FHIT: variants seen among roughly 807,000 people sequenced by gnomAD.
FHIT encodes the protein bis(5'-adenosyl)-triphosphatase.
Under a neutral mutation model 17.9 loss-of-function variants are expected in FHIT, and 19 were observed. That is an observed-to-expected ratio of 1.06 (90% confidence interval 0.74 to 1.56). FHIT has a LOEUF of 1.56. Among genes scored for constraint, FHIT ranks in the 40% most tolerant of loss-of-function variants. The probability of loss-of-function intolerance (pLI) is 0.00; values close to 1 mark genes in which losing one functional copy is unlikely to be tolerated. For missense variants in FHIT, 248 were observed against 189.2 expected (o/e 1.31, Z -1.82); for synonymous variants, 81 against 69.7 (o/e 1.16, Z -0.81).
chr3:60,248,148 A>G (rs992261700), intron 5 of FHIT, among the ~76,000 whole-genome samples: 4 of 152,126 alleles, frequency 2.6e-5, no homozygotes, highest in African/African-American at 9.7e-5. Context: ...AAAAGCTGTA[A>G]AACGTCCTCA....
intron 5 of FHIT, among the ~76,000 whole-genome samples, chr3:60,247,402 A>G (rs1052233239): frequency 6.6e-6 from 1 of 151,812 alleles, no homozygotes; most frequent in Admixed American, 6.6e-5. Flanking sequence ...ACAGAAGAAG[A>G]AAGAAAGAAG....
intron 5 of FHIT, among the ~76,000 whole-genome samples, chr3:60,042,465 T>C (rs1312470810): frequency 3.9e-5 from 6 of 152,178 alleles, no homozygotes; most frequent in Admixed American, 2.0e-4. Flanking sequence ...CCAGGGTTGG[T>C]TCCTTCTGAG....
intron 5 of FHIT, among the ~76,000 whole-genome samples, chr3:60,250,618 A>C (rs1223782401): frequency 6.6e-6 from 1 of 152,212 alleles, no homozygotes; most frequent in Non-Finnish European, 1.5e-5. Context: ...AGTGGCATTT[A>C]AGAGCTCTGC....
intron 4 of FHIT, among the ~76,000 whole-genome samples, chr3:60,722,990 G>C (rs1367583621): frequency 6.6e-6 from 1 of 151,924 alleles, no homozygotes; most frequent in Non-Finnish European, 1.5e-5. Flanking sequence ...CAAAGTGCTG[G>C]GATTACAGGC....
chr3:60,009,386 T>C (rs901470782), intron 7 of FHIT, among the ~76,000 whole-genome samples: 8 of 152,104 alleles, frequency 5.3e-5, no homozygotes, highest in Non-Finnish European at 1.2e-4. Context: ...TTTTAAAAAG[T>C]TCAACTTAAG....
intron 5 of FHIT, among the ~76,000 whole-genome samples, chr3:60,194,865 A>T (rs984622843): frequency 6.6e-6 from 1 of 152,152 alleles, no homozygotes; most frequent in African/African-American, 2.4e-5. Flanking sequence ...AGGGAAATGC[A>T]AATTAAAACC....
At chr3:61,204,531 G>C (rs192851126) in intron 1 of FHIT, among the ~76,000 whole-genome samples, 1 of 152,080 alleles carries the variant, frequency 6.6e-6, no homozygotes, top group Admixed American at 6.5e-5. Flanking sequence ...GGAGAAAGAA[G>C]CAAAGGAAAA....
At chr3:60,838,933 A>AGGG (rs1702624755) in intron 3 of FHIT, among the ~76,000 whole-genome samples, 1 of 152,092 alleles carries the variant, frequency 6.6e-6, no homozygotes, top group Non-Finnish European at 1.5e-5. Context: ...TAGGTAGTAA[A>AGGG]AGGACTTCCT....
intron 3 of FHIT, among the ~76,000 whole-genome samples, chr3:60,895,172 C>A (rs1239654476): frequency 6.6e-6 from 1 of 152,136 alleles, no homozygotes; most frequent in Non-Finnish European, 1.5e-5. Flanking sequence ...AGAGGACAGG[C>A]CTGTGGCTTT....
chr3:60,110,475 A>G (rs991427871), intron 5 of FHIT, among the ~76,000 whole-genome samples: 4 of 152,198 alleles, frequency 2.6e-5, no homozygotes, highest in African/African-American at 9.6e-5. Context: ...ATGAATCCAA[A>G]GATCACCAAA....
chr3:59,992,573 C>T (rs1699330300), intron 7 of FHIT, among the ~76,000 whole-genome samples: 2 of 152,076 alleles, frequency 1.3e-5, no homozygotes. Context: ...ATGATCAAAA[C>T]ATAAGGCAAA....
At chr3:60,355,428 T>G (rs1699609428) in intron 5 of FHIT, among the ~76,000 whole-genome samples, 1 of 152,070 alleles carries the variant, frequency 6.6e-6, no homozygotes, top group South Asian at 2.1e-4. Context: ...CTTTTTGGGT[T>G]GCATATCAAT....
chr3:60,987,741 TC>T (rs2029865609), intron 3 of FHIT, among the ~76,000 whole-genome samples: 1 of 152,118 alleles, frequency 6.6e-6, no homozygotes, highest in Non-Finnish European at 1.5e-5. Flanking sequence ...AATCAGTAAG[TC>T]CCCAGTTTAG....
At chr3:60,181,494 A>G (rs187321023) in intron 5 of FHIT, among the ~76,000 whole-genome samples, 24 of 152,296 alleles carry the variant, frequency 1.6e-4, no homozygotes, top group Admixed American at 9.8e-4. Flanking sequence ...TCTAGGTTCA[A>G]AAAGGTAAAG....
chr3:59,916,611 T>A (rs1705146901), intron 8 of FHIT, among the ~76,000 whole-genome samples: 2 of 152,182 alleles, frequency 1.3e-5, no homozygotes, highest in South Asian at 4.1e-4. Flanking sequence ...TAATTTTGTG[T>A]CTCTCTTTTG....
chr3:60,921,704 T>C (rs1485199637), intron 3 of FHIT, among the ~76,000 whole-genome samples: 3 of 110,084 alleles, frequency 2.7e-5, no homozygotes, highest in Non-Finnish European at 5.6e-5. Context: ...GTTCATTCCT[T>C]ACACTTACTA....
intron 4 of FHIT, among the ~76,000 whole-genome samples, chr3:60,582,421 A>T (rs1472998369): frequency 6.6e-6 from 1 of 152,110 alleles, no homozygotes; most frequent in Non-Finnish European, 1.5e-5. Flanking sequence ...AAAATTTTAT[A>T]AAACATTTGT....
intron 5 of FHIT, among the ~76,000 whole-genome samples, chr3:60,319,696 C>T (rs1709330364): frequency 6.6e-6 from 1 of 152,122 alleles, no homozygotes; most frequent in Admixed American, 6.6e-5. Context: ...CACAATGAAA[C>T]CGCACAAATA....
chr3:59,835,198 T>C (rs1358163029), intron 8 of FHIT, among the ~76,000 whole-genome samples: 2 of 152,182 alleles, frequency 1.3e-5, no homozygotes, highest in Non-Finnish European at 2.9e-5. Flanking sequence ...TACCAAAGAT[T>C]TTCCACTTTC....
Sources: allele counts gnomAD v4.1 joint callset (sites outside exome capture counted in the v4.1 genomes callset), GRCh38; gene constraint gnomAD v4.1.1; transcripts MANE v1.5; gene names NCBI Gene and HGNC (gene_info 2026-07-23, HGNC 2026-07-21).